The following COL5A2 variants were observed in gnomAD, a reference collection of about 807,000 sequenced individuals.
COL5A2 encodes collagen type V alpha 2 chain.
In COL5A2, 23 loss-of-function variants were observed where a neutral mutation model predicts 208.2. The observed-to-expected ratio is 0.11, with a 90% CI of 0.08 to 0.16. The LOEUF (loss-of-function observed/expected upper bound fraction) is 0.16, where lower values mean the gene tolerates loss of function less well. Ranked by LOEUF, COL5A2 falls within the 10% of genes least tolerant of loss-of-function variation. COL5A2 has a pLI of 1.00. For missense variants in COL5A2, 1,590 were observed against 1,956.4 expected (o/e 0.81, Z 3.53); for synonymous variants, 625 against 628.5 (o/e 0.99, Z 0.08).
chr2:189,379,135 C>G, the COL5A2 span, among the ~76,000 whole-genome samples: 1 of 152,188 alleles, frequency 6.6e-6, no homozygotes, highest in African/African-American at 2.4e-5. Flanking sequence ...GGCATACTAG[C>G]TTTGTATACA....
intron 1 of COL5A2, among the ~76,000 whole-genome samples, chr2:189,218,755 A>AT (rs1689309992): frequency 1.3e-5 from 2 of 152,308 alleles, no homozygotes; most frequent in South Asian, 4.1e-4. Context: ...GAATTGGAAC[A>AT]TTAGGTTCTC....
chr2:189,254,952 G>T, the COL5A2 span, among the ~76,000 whole-genome samples: 1 of 152,154 alleles, frequency 6.6e-6, no homozygotes, highest in African/African-American at 2.4e-5. Context: ...CCCACAAGTG[G>T]TTGTTATATT....
chr2:189,291,087 T>A, the COL5A2 span, among the ~76,000 whole-genome samples: 1 of 152,138 alleles, frequency 6.6e-6, no homozygotes, highest in Non-Finnish European at 1.5e-5. Flanking sequence ...TTTAAGAATA[T>A]TTAACTAATA....
chr2:189,060,853 TACCTTTTACAATTC>T, intron 30 of COL5A2, 70 bp from the exon 31 acceptor site: 2 of 1,120,310 alleles, frequency 1.8e-6, no homozygotes, highest in Non-Finnish European at 2.7e-6. Context: ...GTTAACAGTT[TACCTTTTACAATTC>T]ATGGGGTCTC....
chr2:189,198,813 T>G (rs1296551997), intron 1 of COL5A2, among the ~76,000 whole-genome samples: 1 of 152,202 alleles, frequency 6.6e-6, no homozygotes, highest in East Asian at 1.9e-4. Context: ...AAGCCACCAT[T>G]TCTCAACCTG....
At chr2:189,325,618 A>C in the COL5A2 span, among the ~76,000 whole-genome samples, 3 of 152,002 alleles carry the variant, frequency 2.0e-5, no homozygotes, top group Non-Finnish European at 4.4e-5. Flanking sequence ...CTTGTCATTT[A>C]CTCTTATTTG....
chr2:189,184,602 T>C (rs909684599), upstream of COL5A2, among the ~76,000 whole-genome samples: 23 of 152,226 alleles, frequency 1.5e-4, no homozygotes, highest in Non-Finnish European at 2.9e-5. Flanking sequence ...CAACATAGCA[T>C]ATTCCTGACA....
At chr2:189,344,965 G>A in the COL5A2 span, among the ~76,000 whole-genome samples, 1 of 152,172 alleles carries the variant, frequency 6.6e-6, no homozygotes, top group Non-Finnish European at 1.5e-5. Flanking sequence ...ACTAGGTCCC[G>A]CTACTCATCA....
chr2:189,387,998 T>C, the COL5A2 span, among the ~76,000 whole-genome samples: 1 of 152,118 alleles, frequency 6.6e-6, no homozygotes, highest in Non-Finnish European at 1.5e-5. Context: ...TTGCCCAGGC[T>C]AGTCTCAAGC....
intron 1 of COL5A2, among the ~76,000 whole-genome samples, chr2:189,128,156 G>T (rs1213085003): frequency 6.6e-6 from 1 of 152,012 alleles, no homozygotes; most frequent in Non-Finnish European, 1.5e-5. Context: ...ACAGCTGGAA[G>T]GCTTTTGAAG....
At chr2:189,129,031 T>C (rs1409556895) in intron 1 of COL5A2, among the ~76,000 whole-genome samples, 1 of 152,002 alleles carries the variant, frequency 6.6e-6, no homozygotes, top group Non-Finnish European at 1.5e-5. Flanking sequence ...TGATTTAGAT[T>C]AGTAAAGTGA....
At chr2:189,239,107 CA>C in the COL5A2 span, among the ~76,000 whole-genome samples, 1 of 152,004 alleles carries the variant, frequency 6.6e-6, no homozygotes, top group Non-Finnish European at 1.5e-5. Context: ...AAGGTGTTTA[CA>C]AAAGGAACTA....
chr2:189,162,895 G>T (rs965539207), intron 1 of COL5A2, among the ~76,000 whole-genome samples: 1 of 152,046 alleles, frequency 6.6e-6, no homozygotes, highest in African/African-American at 2.4e-5. Flanking sequence ...TTTCCCAGAA[G>T]ATAAAGGAGG....
chr2:189,277,697 G>T, the COL5A2 span, among the ~76,000 whole-genome samples: 2 of 149,908 alleles, frequency 1.3e-5, no homozygotes, highest in African/African-American at 2.4e-5. Flanking sequence ...GTTCCATATT[G>T]TCATCAGATA....
chr2:189,364,179 T>C, the COL5A2 span, among the ~76,000 whole-genome samples: 3 of 152,246 alleles, frequency 2.0e-5, no homozygotes, highest in South Asian at 2.1e-4. Context: ...TTTTGTGAAA[T>C]AGTATTTATC....
the COL5A2 span, among the ~76,000 whole-genome samples, chr2:189,405,823 T>C: frequency 6.6e-6 from 1 of 152,236 alleles, no homozygotes; most frequent in East Asian, 1.9e-4. Context: ...ATATCTCTAT[T>C]GTCCCAGGGT....
intron 6 of COL5A2, among the ~76,000 whole-genome samples, chr2:189,092,809 T>C (rs1193690394): frequency 1.3e-5 from 2 of 152,238 alleles, no homozygotes; most frequent in Non-Finnish European, 2.9e-5. Context: ...CAGTGGATTG[T>C]CATTGGATTA....
intron 8 of COL5A2, 116 bp from the exon 9 acceptor site, chr2:189,086,886 T>C: frequency 1.2e-6 from 1 of 833,004 alleles, no homozygotes. Flanking sequence ...CAAAGGGGGA[T>C]GATGACATTC....
chr2:189,229,875 A>G (rs1367685906), upstream of COL5A2, among the ~76,000 whole-genome samples: 3 of 151,894 alleles, frequency 2.0e-5, no homozygotes, highest in African/African-American at 7.2e-5. Context: ...GGCCAAAATA[A>G]CTTTGGGAAA....
Sources: allele counts gnomAD v4.1 joint callset (sites outside exome capture counted in the v4.1 genomes callset), GRCh38; gene constraint gnomAD v4.1.1; transcripts MANE v1.5; gene names NCBI Gene and HGNC (gene_info 2026-07-23, HGNC 2026-07-21).